The following DSCAML1 variants were observed in gnomAD, a reference collection of about 807,000 sequenced individuals.
DSCAML1 encodes the protein cell adhesion molecule DSCAML1.
In DSCAML1, 38 loss-of-function variants were observed where a neutral mutation model predicts 200.5. The ratio of observed to expected loss-of-function variants is 0.19; its 90% CI spans 0.15 to 0.25. DSCAML1 has a LOEUF of 0.25. Among genes scored for constraint, DSCAML1 ranks in the 10% least tolerant of loss-of-function variants. The pLI is 1.00. For synonymous variants in DSCAML1, 1,215 were observed against 1,165.0 expected (o/e 1.04, Z -0.87); for missense variants, 2,223 against 2,858.8 (o/e 0.78, Z 5.07).
chr11:117,622,784 C>G lies in DSCAML1; in HGVS notation c.512-90262G>C, dbSNP rs2051960419. Among the ~76,000 whole-genome samples, 3 of 152,156 alleles carry G rather than the reference C, an allele frequency of 2.0e-5. No individual in the cohort carries two copies. In the South Asian group the frequency reaches 6.2e-4, roughly 32 times the overall value. Reference sequence around the variant, plus strand: ...ACATTTTGGTGCTCCTCGTTCTCCCCCACCCTCAAGGCACCTGGCATGCGG... The same window carrying G: ...ACATTTTGGTGCTCCTCGTTCTCCCGCACCCTCAAGGCACCTGGCATGCGG... On this transcript the variant is annotated intron_variant, in intron 3 of 32. Coordinates refer to ENST00000651296, the MANE Select transcript of DSCAML1 (RefSeq NM_020693.4).
intron 1 of DSCAML1, among the ~76,000 whole-genome samples, chr11:117,806,439 T>C (rs1233179794): frequency 6.6e-6 from 1 of 152,234 alleles, no homozygotes; most frequent in African/African-American, 2.4e-5. Context: ...TGAGCTGAAC[T>C]GGCGGGCTAA....
intron 3 of DSCAML1, among the ~76,000 whole-genome samples, chr11:117,613,062 T>C (rs1193951558): frequency 6.6e-6 from 1 of 152,098 alleles, no homozygotes; most frequent in Non-Finnish European, 1.5e-5. Flanking sequence ...TGAAATTTCT[T>C]CCAATTTTGT....
Position 117,518,727 on chromosome 11 carries a change from T to C in DSCAML1, c.1249A>G (p.Lys417Glu), listed in dbSNP as rs1474699496. 1 of 1,612,750 alleles carries C rather than the reference T, an allele frequency of 6.2e-7. No homozygotes were observed. The highest frequency in any genetic ancestry group is 1.3e-5 in the African/African-American group (1 of 74,936). The change falls in exon 7 of 33, where the codon AAG (lysine) becomes GAG (glutamate). Residue 417 changes from lysine (K) to glutamate (E), a missense_variant. By Grantham distance (56) the Lys-to-Glu change is moderately conservative. Coordinates refer to ENST00000651296, the MANE Select transcript of DSCAML1 (RefSeq NM_020693.4). This position sits in a 1 kb window ranked among gnomAD's most constrained non-coding sequence, Gnocchi z 6.3. ...AACTGCTCCCCGGGGTTGACCACCT[T>C]CTCGCTGAAGGACGAGACGATGCGG... Reference protein sequence around the residue: ...TPRIVSSFSEKVVNPGEQFSL... With the variant: ...TPRIVSSFSEEVVNPGEQFSL...
chr11:117,623,308 TC>T lies in DSCAML1; in HGVS notation c.512-90787del, dbSNP rs760794979. Among the ~76,000 whole-genome samples the T allele has an allele frequency of 2.0e-5, 3 of 148,588 alleles. No individual in the cohort carries two copies. In the South Asian group the frequency reaches 6.5e-4, roughly 32 times the overall value. On this transcript the variant is annotated intron_variant, in intron 3 of 32. Transcript: ENST00000651296. The stretch of plus-strand genomic sequence containing the variant: ...CTCAGTTCACTGCAACCTCCACATC[TC>T]AGGTTCAAGTGATTCTCCTGTCTCA...
chr11:117,798,564 T>C (rs2055624629), upstream of DSCAML1, among the ~76,000 whole-genome samples: 1 of 152,126 alleles, frequency 6.6e-6, no homozygotes. Context: ...TCCAAAACTT[T>C]TTCATCATCC....
chr11:117,539,514 A>G (rs2050225472), intron 3 of DSCAML1, among the ~76,000 whole-genome samples: 2 of 149,536 alleles, frequency 1.3e-5, no homozygotes, highest in Non-Finnish European at 3.0e-5. Context: ...AAGCTGAGGC[A>G]GGAGAATCGC....
At chr11:117,502,032 G>C (rs962799364) in intron 11 of DSCAML1, among the ~76,000 whole-genome samples, 3 of 152,202 alleles carry the variant, frequency 2.0e-5, no homozygotes, top group Non-Finnish European at 2.9e-5. Flanking sequence ...ATGTGTTCAG[G>C]AGGTGGCCCT....
rs1241344048 is a variant in DSCAML1, at chr11:117,498,753, C to T, written c.2359+5092G>A. ...CTCAAGTCCCCACGAGAGTTTGGCC[C>T]CAAGCTCCCCGCTCCTGATGTTGTG... On this transcript the variant is annotated intron_variant, in intron 11 of 32. Coordinates refer to ENST00000651296, the MANE Select transcript of DSCAML1 (RefSeq NM_020693.4). The surrounding 1 kb of genome is among the most constrained non-coding windows in gnomAD (Gnocchi z 4.0). Among the ~76,000 whole-genome samples the T allele has an allele frequency of 6.6e-6, 1 of 152,154 alleles. No individual in the cohort carries two copies. The highest frequency in any genetic ancestry group is 2.4e-5 in the African/African-American group (1 of 41,422).
chr11:117,696,477 C>G (rs1230046814), intron 3 of DSCAML1, among the ~76,000 whole-genome samples: 1 of 152,212 alleles, frequency 6.6e-6, no homozygotes, highest in Non-Finnish European at 1.5e-5. Flanking sequence ...AGATTATTTA[C>G]TAAAGAAAAA....
chr11:117,701,954 G>A (rs1464342160), intron 3 of DSCAML1, among the ~76,000 whole-genome samples: 1 of 152,152 alleles, frequency 6.6e-6, no homozygotes, highest in Admixed American at 6.5e-5. Context: ...TGGCAGCTGT[G>A]GTTACTGCAG....
At chr11:117,607,696 T>C (rs1321438766) in intron 3 of DSCAML1, among the ~76,000 whole-genome samples, 1 of 152,186 alleles carries the variant, frequency 6.6e-6, no homozygotes, top group African/African-American at 2.4e-5. Flanking sequence ...TTATCTGTGC[T>C]GAGACTTTGA....
At chr11:117,698,897 C>T (rs549136633) in intron 3 of DSCAML1, among the ~76,000 whole-genome samples, 26 of 152,314 alleles carry the variant, frequency 1.7e-4, no homozygotes, top group African/African-American at 6.3e-4. Flanking sequence ...TATTCCATTG[C>T]TCTGCCCCAT....
intron 19 of DSCAML1, among the ~76,000 whole-genome samples, chr11:117,456,671 C>CTTTTTTT (rs10661996): frequency 1.5e-4 from 21 of 142,146 alleles, no homozygotes; most frequent in Non-Finnish European, 1.2e-4. Flanking sequence ...GCAGTCATTT[C>CTTTTTTT]TTTTTTTTTT....
chr11:117,486,113 C>A (rs1411964023), intron 11 of DSCAML1, among the ~76,000 whole-genome samples: 3 of 152,192 alleles, frequency 2.0e-5, no homozygotes, highest in Admixed American at 6.5e-5. Context: ...GGAAAAGGCT[C>A]AAAGAAAAAA....
intron 1 of DSCAML1, among the ~76,000 whole-genome samples, chr11:117,804,369 G>C (rs1291334018): frequency 6.6e-6 from 1 of 152,190 alleles, no homozygotes; most frequent in African/African-American, 2.4e-5. Flanking sequence ...GGGAAAAGGG[G>C]CTTGCTCCCC....
intron 3 of DSCAML1, among the ~76,000 whole-genome samples, chr11:117,749,951 C>T (rs1341682024): frequency 2.0e-5 from 3 of 152,208 alleles, no homozygotes; most frequent in African/African-American, 7.2e-5. Context: ...AACATGGAAA[C>T]GTAAGGGTGA....
chr11:117,766,167 G>GCACAGAAC (rs2054895020), intron 3 of DSCAML1, among the ~76,000 whole-genome samples: 1 of 152,294 alleles, frequency 6.6e-6, no homozygotes, highest in African/African-American at 2.4e-5. Flanking sequence ...ACAGGCCTCC[G>GCACAGAAC]CACAGAACCG....
chr11:117,615,697 C>T (rs1411556383), intron 3 of DSCAML1, among the ~76,000 whole-genome samples: 1 of 151,878 alleles, frequency 6.6e-6, no homozygotes, highest in Admixed American at 6.6e-5. Context: ...TAAGCCCAAG[C>T]AGGTATTTTG....
In DSCAML1 at chr11:117,453,648, C is replaced by T. The variant is rs556390788; in HGVS notation, c.3569-2960G>A. ...TATTGCTTCTTCTTTGGAGGTAATC[C>T]GTCTTTTCTCCTCTGGTTGCTTTTA... On this transcript the variant is annotated intron_variant, in intron 19 of 32. Transcript: ENST00000651296. Among the ~76,000 whole-genome samples, 14 of 152,006 alleles carry T rather than the reference C, an allele frequency of 9.2e-5. No individual in the cohort carries two copies. The South Asian group carries it at 1.7e-3, about 18-fold the overall frequency.
Sources: gnomAD v4.1 joint callset for allele counts (sites outside exome capture counted in the v4.1 genomes callset) on GRCh38, gnomAD v4.1.1 for gene constraint, Gnocchi (gnomAD v3.1) non-coding constraint, MANE v1.5 for transcripts, NCBI Gene and HGNC (gene_info 2026-07-23, HGNC 2026-07-21) for gene names.